The following KCNJ15 variants were observed in gnomAD, a reference collection of about 807,000 sequenced individuals.
The protein encoded by KCNJ15 is ATP-sensitive inward rectifier potassium channel 15.
In KCNJ15, 14 loss-of-function variants were observed where a neutral mutation model predicts 23.0. The observed-to-expected ratio is 0.61, with a 90% CI of 0.40 to 0.95. KCNJ15 has a LOEUF of 0.95. Ranked by LOEUF, KCNJ15 falls within the 40% of genes least tolerant of loss-of-function variation. The probability of loss-of-function intolerance (pLI) is 0.00; values close to 1 mark genes in which losing one functional copy is unlikely to be tolerated. For missense variants in KCNJ15, 388 were observed against 461.8 expected (o/e 0.84, Z 1.46); for synonymous variants, 185 against 183.2 (o/e 1.01, Z -0.08).
intron 1 of KCNJ15, among the ~76,000 whole-genome samples, chr21:38,288,018 G>GCTTTTTTCTTTTTTT (rs1984096468): frequency 3.8e-5 from 1 of 26,018 alleles, no homozygotes; most frequent in South Asian, 1.8e-3. Flanking sequence ...TAAATAACTT[G>GCTTTTTTCTTTTTTT]TTTTTTTCTT....
At position 38,304,086 on chromosome 21, in the gene KCNJ15, CT is replaced by C; in HGVS notation, c.*3702del. 6.7e-6 allele frequency: 1 copy of C among 149,580 alleles called. No individual in the cohort carries two copies. Among genetic ancestry groups the C allele is most frequent in the Non-Finnish European group, 1.5e-5 (1 of 67,558 alleles). 9.3% of individuals were successfully genotyped at this position (149,580 alleles called of 1,614,324 possible). On this transcript the variant is annotated 3_prime_UTR_variant, in exon 3 of 3. Coordinates refer to ENST00000398938, the MANE Select transcript of KCNJ15 (RefSeq NM_170736.3). ...TTTTTTTTTTGAACTTGAAAATCAG[CT>C]TTTTATTTTTTTTAATTTTATTATT...
Position 38,299,518 on chromosome 21 carries a change from A to G in KCNJ15, c.257A>G (p.Tyr86Cys), listed in dbSNP as rs772307086. The change falls in exon 3 of 3, where the codon TAT (tyrosine) becomes TGT (cysteine). Residue 86 changes from tyrosine to cysteine, a missense_variant. Transcript: ENST00000398938. The surrounding 1 kb of genome is among the most constrained non-coding windows in gnomAD (Gnocchi z 4.5). ...TGGTTCCTTTTTGGAGTCATCTACTATGCCATCGCGTTTATTCATGGGGAC... is the reference window on the plus strand; with the variant it reads ...TGGTTCCTTTTTGGAGTCATCTACTGTGCCATCGCGTTTATTCATGGGGAC... ...MTWFLFGVIY[Y>C]AIAFIHGDLE... 19 of 1,614,120 alleles carry G rather than the reference A, an allele frequency of 1.2e-5. No individual in the cohort carries two copies. Among genetic ancestry groups the G allele is most frequent in the Admixed American group, 3.3e-5 (2 of 60,014 alleles).
chr21:38,249,369 T>G (rs527695966), intron 1 of KCNJ15, among the ~76,000 whole-genome samples: 1 of 152,278 alleles, frequency 6.6e-6, no homozygotes, highest in African/African-American at 2.4e-5. Flanking sequence ...GAATTACTGC[T>G]GCCTACTAAG....
chr21:38,280,305 A>G (rs1829134946), intron 1 of KCNJ15, among the ~76,000 whole-genome samples: 1 of 152,194 alleles, frequency 6.6e-6, no homozygotes, highest in South Asian at 2.1e-4. Flanking sequence ...TATAGTTCAA[A>G]TGGGACCAAA....
intron 1 of KCNJ15, among the ~76,000 whole-genome samples, chr21:38,236,277 C>A (rs1568978603): frequency 6.6e-6 from 1 of 152,108 alleles, no homozygotes; most frequent in Non-Finnish European, 1.5e-5. Flanking sequence ...GTATTTGTAT[C>A]CATATAGAAA....
intron 1 of KCNJ15, among the ~76,000 whole-genome samples, chr21:38,236,379 A>G (rs1978602287): frequency 1.3e-5 from 2 of 152,238 alleles, no homozygotes; most frequent in African/African-American, 2.4e-5. Context: ...GACTTTTTAG[A>G]GTATTACTGC....
At chr21:38,265,804 A>G (rs949576724) in intron 1 of KCNJ15, among the ~76,000 whole-genome samples, 2 of 152,218 alleles carry the variant, frequency 1.3e-5, no homozygotes, top group African/African-American at 4.8e-5. Context: ...GAATGTGATG[A>G]CATTGACATG....
chr21:38,237,738 C>T (rs1978709235), intron 1 of KCNJ15, among the ~76,000 whole-genome samples: 1 of 152,172 alleles, frequency 6.6e-6, no homozygotes, highest in Non-Finnish European at 1.5e-5. Context: ...ACTTTTGTTA[C>T]ATAACCAAGT....
upstream of KCNJ15, among the ~76,000 whole-genome samples, chr21:38,254,496 C>T (rs943189070): frequency 2.0e-5 from 3 of 152,158 alleles, no homozygotes; most frequent in Non-Finnish European, 4.4e-5. Flanking sequence ...TGAGTATCTG[C>T]TCCACTGTGT....
At chr21:38,245,093 G>A (rs1004528890) in intron 1 of KCNJ15, among the ~76,000 whole-genome samples, 1 of 151,838 alleles carries the variant, frequency 6.6e-6, no homozygotes, top group Non-Finnish European at 1.5e-5. Flanking sequence ...TTCTACAGGC[G>A]CCGTCATCAC....
Position 38,302,890 on chromosome 21 carries a change from A to G in KCNJ15, c.*2501A>G, listed in dbSNP as rs1389850402. 6.6e-6 allele frequency: 1 copy of G among 152,232 alleles called. No homozygotes were observed. Among genetic ancestry groups the G allele is most frequent in the Non-Finnish European group, 1.5e-5 (1 of 68,040 alleles). 9.4% of individuals were successfully genotyped at this position (152,232 alleles called of 1,614,324 possible). A position where few individuals can be genotyped will look rare whatever the true frequency, so the allele number is the denominator to read the frequency against. On this transcript the variant is annotated 3_prime_UTR_variant, in exon 3 of 3. Transcript: ENST00000398938. ...ACTCAAAACAAATATTGCAGCAGAAATATCACCTTAAAAATATCTTATTTT... is the reference window on the plus strand; with the variant it reads ...ACTCAAAACAAATATTGCAGCAGAAGTATCACCTTAAAAATATCTTATTTT...
Position 38,300,242 on chromosome 21 carries a change from C to T in KCNJ15, c.981C>T (p.Phe327=), listed in dbSNP as rs1199593295. 1 of 1,614,080 alleles carries T rather than the reference C, an allele frequency of 6.2e-7. No homozygotes were observed. Among genetic ancestry groups the T allele is most frequent in the Non-Finnish European group, 8.5e-7 (1 of 1,180,046 alleles). The stretch of plus-strand genomic sequence containing the variant: ...AAAATGGAAAATATGTGGCTGATTT[C>T]AGTCAGTTTGAACAGATTCGGAAAA... ...LSKNGKYVAD[F]SQFEQIRKSP... The change falls in exon 3 of 3, where the codon TTC becomes TTT. Residue 327 remains phenylalanine, a synonymous_variant. Transcript: ENST00000398938.
At chr21:38,297,542 T>C (rs991071598) in intron 2 of KCNJ15, among the ~76,000 whole-genome samples, 25 of 152,170 alleles carry the variant, frequency 1.6e-4, no homozygotes, top group African/African-American at 6.0e-4. Context: ...TGCATTTGTC[T>C]CTGCTGGTGC....
intron 1 of KCNJ15, among the ~76,000 whole-genome samples, chr21:38,261,964 T>C (rs1452206958): frequency 6.6e-6 from 1 of 152,226 alleles, no homozygotes; most frequent in Non-Finnish European, 1.5e-5. Context: ...TTGTGTCATT[T>C]CTTGGTAGAA....
upstream of KCNJ15, among the ~76,000 whole-genome samples, chr21:38,254,150 C>G (rs1980028079): frequency 6.6e-6 from 1 of 152,146 alleles, no homozygotes; most frequent in Non-Finnish European, 1.5e-5. Context: ...TAGTTAGTTT[C>G]AGAAATTTCC....
chr21:38,253,223 A>G (rs1979957324), upstream of KCNJ15, among the ~76,000 whole-genome samples: 1 of 152,174 alleles, frequency 6.6e-6, no homozygotes, highest in African/African-American at 2.4e-5. Flanking sequence ...CTACTTTAAT[A>G]AATTGCCTGC....
chr21:38,247,771 G>A (rs552158326), intron 1 of KCNJ15, among the ~76,000 whole-genome samples: 1 of 152,240 alleles, frequency 6.6e-6, no homozygotes, highest in Non-Finnish European at 1.5e-5. Flanking sequence ...TTGTGCCTAG[G>A]TTACATGTTC....
intron 1 of KCNJ15, among the ~76,000 whole-genome samples, chr21:38,240,297 T>C (rs1032102043): frequency 6.6e-6 from 1 of 152,224 alleles, no homozygotes; most frequent in African/African-American, 2.4e-5. Context: ...GTTCATCAAG[T>C]CTAGACCTTC....
chr21:38,263,957 G>T (rs980875833), intron 1 of KCNJ15, among the ~76,000 whole-genome samples: 1 of 152,044 alleles, frequency 6.6e-6, no homozygotes, highest in Non-Finnish European at 1.5e-5. Flanking sequence ...AAGAGTAAAT[G>T]TCAAAAAGGC....
Sources: allele counts gnomAD v4.1 joint callset (sites outside exome capture counted in the v4.1 genomes callset), GRCh38; gene constraint gnomAD v4.1.1; non-coding constraint Gnocchi (gnomAD v3.1); transcripts MANE v1.5; gene names NCBI Gene and HGNC (gene_info 2026-07-23, HGNC 2026-07-21).